IQGAP2: variants seen among roughly 807,000 people sequenced by gnomAD.
IQGAP2 encodes IQ motif containing GTPase activating protein 2.
In IQGAP2, 173 loss-of-function variants were observed where a neutral mutation model predicts 201.3. The observed-to-expected ratio is 0.86, with a 90% CI of 0.76 to 0.98. The LOEUF (loss-of-function observed/expected upper bound fraction) is 0.98. Ranked by LOEUF, IQGAP2 falls within the 50% of genes least tolerant of loss-of-function variation. The probability of loss-of-function intolerance (pLI) is 0.00; values close to 1 mark genes in which losing one functional copy is unlikely to be tolerated. For missense variants in IQGAP2, 1,687 were observed against 1,864.8 expected (o/e 0.90, Z 1.76); for synonymous variants, 675 against 673.9 (o/e 1.00, Z -0.03).
At chr5:76,580,683 T>A (rs1745787965) in intron 5 of IQGAP2, among the ~76,000 whole-genome samples, 1 of 152,210 alleles carries the variant, frequency 6.6e-6, no homozygotes, top group Non-Finnish European at 1.5e-5. Flanking sequence ...ATGAACCAGA[T>A]TGTTTCAGCT....
intron 1 of IQGAP2, among the ~76,000 whole-genome samples, chr5:76,450,318 G>C (rs1263279728): frequency 6.6e-6 from 1 of 152,092 alleles, no homozygotes. Context: ...TCCTCCTACT[G>C]CTTCCTGTGC....
chr5:76,703,965 T>A (rs759147492), intron 35 of IQGAP2, among the ~76,000 whole-genome samples: 1 of 152,204 alleles, frequency 6.6e-6, no homozygotes, highest in Non-Finnish European at 1.5e-5. Context: ...CCAGAGCCCT[T>A]CTTTTCTGGC....
At chr5:76,576,113 TA>T (rs1403255747) in intron 5 of IQGAP2, among the ~76,000 whole-genome samples, 13 of 152,206 alleles carry the variant, frequency 8.5e-5, no homozygotes, top group African/African-American at 3.1e-4. Context: ...TTTACAAATA[TA>T]ATGCAGATAT....
At chr5:76,404,500 A>G in intron 1 of IQGAP2, 1 of 985,458 alleles carries the variant, frequency 1.0e-6, no homozygotes, top group Non-Finnish European at 1.2e-6. Flanking sequence ...ACCACAGGTT[A>G]ATCTTTGCCC....
At chr5:76,600,489 G>C (rs1747354203) in intron 10 of IQGAP2, among the ~76,000 whole-genome samples, 1 of 152,140 alleles carries the variant, frequency 6.6e-6, no homozygotes, top group Non-Finnish European at 1.5e-5. Flanking sequence ...CTAGTCCTTG[G>C]CTTAATTATA....
At chr5:76,410,130 A>G (rs1312031122) in intron 1 of IQGAP2, among the ~76,000 whole-genome samples, 2 of 152,234 alleles carry the variant, frequency 1.3e-5, no homozygotes, top group East Asian at 1.9e-4. Context: ...GGTGACAAGT[A>G]AAAATGCTTA....
At chr5:76,538,143 C>T (rs1759733767) in intron 2 of IQGAP2, among the ~76,000 whole-genome samples, 1 of 152,176 alleles carries the variant, frequency 6.6e-6, no homozygotes, top group Non-Finnish European at 1.5e-5. Context: ...GTATTTCTTA[C>T]ATGGCAGCGG....
At chr5:76,439,175 G>A (rs1752886886) in intron 1 of IQGAP2, among the ~76,000 whole-genome samples, 1 of 152,154 alleles carries the variant, frequency 6.6e-6, no homozygotes, top group East Asian at 1.9e-4. Context: ...GGTTACTTTT[G>A]GAGTTGATTT....
intron 4 of IQGAP2, among the ~76,000 whole-genome samples, 168 bp from the exon 5 acceptor site, chr5:76,575,525 A>G (rs16873483): frequency 0.15 from 23,330 of 152,158 alleles, 1,971 homozygotes; most frequent in Admixed American, 0.28. Flanking sequence ...GGGTCCAGAT[A>G]TGGTGATTGG....
At chr5:76,461,172 C>T (rs1241770669) in intron 1 of IQGAP2, among the ~76,000 whole-genome samples, 1 of 151,836 alleles carries the variant, frequency 6.6e-6, no homozygotes, top group Non-Finnish European at 1.5e-5. Context: ...GCCGCCGCAC[C>T]TGGCCTTGAT....
In IQGAP2 at chr5:76,544,586, G is replaced by C. The variant is rs560505802; in HGVS notation, c.147-17810G>C. Among the ~76,000 whole-genome samples the C allele has an allele frequency of 1.3e-4, 20 of 152,308 alleles. No individual in the cohort carries two copies. In the East Asian group the frequency reaches 2.1e-3, roughly 16 times the overall value. On this transcript the variant is annotated intron_variant, in intron 2 of 35. Coordinates refer to ENST00000274364, the MANE Select transcript of IQGAP2 (RefSeq NM_006633.5). The stretch of plus-strand genomic sequence containing the variant: ...CAGGATGCAGCTTAGAGAGAACTTG[G>C]TCAGATTTTTACTGCTTCTGGTATA...
chr5:76,525,351 C>G (rs1209880795), intron 2 of IQGAP2, among the ~76,000 whole-genome samples: 1 of 152,114 alleles, frequency 6.6e-6, no homozygotes, highest in East Asian at 1.9e-4. Context: ...GTGGTTTTGC[C>G]CATCATACTT....
chr5:76,655,777 T>G (rs382669), intron 20 of IQGAP2, among the ~76,000 whole-genome samples: 94,897 of 152,046 alleles, frequency 0.62, 29,897 homozygotes, highest in South Asian at 0.82. Context: ...CAAAATAAAA[T>G]TCACCCAAAA....
intron 5 of IQGAP2, among the ~76,000 whole-genome samples, chr5:76,583,095 G>C (rs1485257944): frequency 6.6e-6 from 1 of 152,160 alleles, no homozygotes; most frequent in African/African-American, 2.4e-5. Context: ...CCTTTGACTT[G>C]GCTGTTAGGT....
chr5:76,536,761 CAAAA>C (rs752757446), intron 2 of IQGAP2, among the ~76,000 whole-genome samples: 1 of 114,988 alleles, frequency 8.7e-6, no homozygotes. Flanking sequence ...ACTCCGTCTC[CAAAA>C]AAAAAAAAAA....
intron 2 of IQGAP2, among the ~76,000 whole-genome samples, chr5:76,504,363 A>G (rs1190069607): frequency 6.6e-6 from 1 of 152,114 alleles, no homozygotes; most frequent in East Asian, 1.9e-4. Context: ...GGGGTTATCT[A>G]CTTGTAAGGT....
chr5:76,647,590 A>AAGTGCCTTTT (rs1158476852), intron 17 of IQGAP2, among the ~76,000 whole-genome samples: 13 of 152,082 alleles, frequency 8.5e-5, no homozygotes, highest in Non-Finnish European at 1.8e-4. Flanking sequence ...ACCGTGTAAG[A>AAGTGCCTTTT]AGTGCCTTTT....
At chr5:76,529,629 G>GAATAATAATAAT (rs57526049) in intron 2 of IQGAP2, among the ~76,000 whole-genome samples, 37 of 139,068 alleles carry the variant, frequency 2.7e-4, no homozygotes, top group East Asian at 1.6e-3. Flanking sequence ...CTCCCTCTCG[G>GAATAATAATAAT]AATAATAATA....
intron 13 of IQGAP2, among the ~76,000 whole-genome samples, chr5:76,612,397 G>A (rs1748484911): frequency 6.6e-6 from 1 of 152,188 alleles, no homozygotes; most frequent in Non-Finnish European, 1.5e-5. Context: ...TTGGGAGGTT[G>A]AGGGACAAGA....
Sources: allele counts gnomAD v4.1 joint callset (sites outside exome capture counted in the v4.1 genomes callset), GRCh38; gene constraint gnomAD v4.1.1; transcripts MANE v1.5; gene names NCBI Gene and HGNC (gene_info 2026-07-23, HGNC 2026-07-21).